Variants in PCDH9 observed in about 807,000 individuals in gnomAD.
PCDH9 encodes protocadherin 9, also known as protocadherin-9.
PCDH9 carries 24 observed loss-of-function variants against 70.6 expected under a neutral mutation model. The observed-to-expected ratio is 0.34, with a 90% CI of 0.25 to 0.48. PCDH9 has a LOEUF of 0.48. Among genes scored for constraint, PCDH9 ranks in the 20% least tolerant of loss-of-function variants. The pLI, the probability that PCDH9 is intolerant of heterozygous loss-of-function variation, is 0.99. For missense variants in PCDH9, 1,281 were observed against 1,503.6 expected, an observed-to-expected ratio of 0.85 and a Z score of 2.45; for synonymous variants, 562 against 558.5, an observed-to-expected ratio of 1.01 and a Z score of -0.09.
At chr13:66,656,459 C>A (rs1387961060) in intron 3 of PCDH9, among the ~76,000 whole-genome samples, 1 of 151,480 alleles carries the variant, frequency 6.6e-6, no homozygotes, top group Admixed American at 6.6e-5. Flanking sequence ...CAAATTTGTT[C>A]TTTCATAAAG....
At chr13:66,573,616 T>C (rs1170144810) in intron 4 of PCDH9, among the ~76,000 whole-genome samples, 3 of 152,214 alleles carry the variant, frequency 2.0e-5, no homozygotes, top group African/African-American at 7.2e-5. Context: ...GTTGAGATGC[T>C]ACGTTAAGAC....
At chr13:66,480,395 T>C (rs1958815844) in intron 4 of PCDH9, among the ~76,000 whole-genome samples, 1 of 152,180 alleles carries the variant, frequency 6.6e-6, no homozygotes, top group South Asian at 2.1e-4. Context: ...AATAACAAAA[T>C]TCTAGAGTAG....
chr13:66,486,712 A>C (rs1201156349), intron 4 of PCDH9, among the ~76,000 whole-genome samples: 1 of 152,084 alleles, frequency 6.6e-6, no homozygotes, highest in Non-Finnish European at 1.5e-5. Flanking sequence ...ATGATCTCAT[A>C]AATTAAAATT....
At chr13:66,808,958 T>C (rs1161804500) in intron 3 of PCDH9, among the ~76,000 whole-genome samples, 1 of 152,210 alleles carries the variant, frequency 6.6e-6, no homozygotes, top group Non-Finnish European at 1.5e-5. Flanking sequence ...TACATTCTTG[T>C]TTGTTTTGAG....
Position 67,062,645 on chromosome 13 carries a change from C to A in PCDH9, c.3037-159040G>T, listed in dbSNP as rs527751108. 2.0e-5 allele frequency among the ~76,000 whole-genome samples: 3 copies of A among 152,216 alleles called. No homozygotes were observed. The South Asian group carries it at 6.2e-4, about 32-fold the overall frequency. ...GGAATACTGGTCTTAAAGAACTATT[C>A]CTTTGCTCTTGAACTTGCAAAATTG... On this transcript the variant is annotated intron_variant, in intron 2 of 4. Coordinates refer to ENST00000377865, the MANE Select transcript of PCDH9 (RefSeq NM_203487.3).
At chr13:66,307,807 A>G (rs893366340) in intron 4 of PCDH9, among the ~76,000 whole-genome samples, 2 of 152,120 alleles carry the variant, frequency 1.3e-5, no homozygotes, top group African/African-American at 4.8e-5. Flanking sequence ...TTTAAGACAT[A>G]TCACTCGAAG....
intron 3 of PCDH9, among the ~76,000 whole-genome samples, chr13:66,731,398 A>C (rs1234590543): frequency 6.6e-6 from 1 of 152,108 alleles, no homozygotes; most frequent in East Asian, 1.9e-4. Context: ...TAGCCTTTAG[A>C]TTTTGAACTA....
intron 4 of PCDH9, among the ~76,000 whole-genome samples, chr13:66,470,408 A>C (rs945873842): frequency 6.6e-6 from 1 of 152,180 alleles, no homozygotes; most frequent in Admixed American, 6.5e-5. Flanking sequence ...CTTTTGTAAG[A>C]TGCATTAACT....
intron 2 of PCDH9, among the ~76,000 whole-genome samples, chr13:67,130,757 G>A (rs2087093571): frequency 1.3e-5 from 2 of 152,048 alleles, no homozygotes; most frequent in African/African-American, 2.4e-5. Context: ...CAGGCAGCAA[G>A]CCATATTGCC....
chr13:67,135,311 T>C (rs1566446750), intron 2 of PCDH9, among the ~76,000 whole-genome samples: 1 of 152,092 alleles, frequency 6.6e-6, no homozygotes, highest in African/African-American at 2.4e-5. Context: ...CCTGGGGAGA[T>C]GTCATAGTCA....
At chr13:66,849,044 T>G (rs1461616566) in intron 3 of PCDH9, among the ~76,000 whole-genome samples, 1 of 152,050 alleles carries the variant, frequency 6.6e-6, no homozygotes, top group African/African-American at 2.4e-5. Flanking sequence ...AAGTTAACAG[T>G]TCTAATAAAT....
At chr13:66,737,562 T>G (rs1042016045) in intron 3 of PCDH9, among the ~76,000 whole-genome samples, 3 of 152,120 alleles carry the variant, frequency 2.0e-5, no homozygotes, top group Admixed American at 6.5e-5. Context: ...GACGGGTGAT[T>G]TCTGCATTTC....
chr13:66,536,411 ACTT>A (rs939138113), intron 4 of PCDH9, among the ~76,000 whole-genome samples: 4 of 152,114 alleles, frequency 2.6e-5, no homozygotes, highest in African/African-American at 4.8e-5. Context: ...TTAAAAGTAA[ACTT>A]AATTTTTTGC....
intron 4 of PCDH9, among the ~76,000 whole-genome samples, chr13:66,370,379 T>C (rs1365321571): frequency 6.6e-6 from 1 of 152,080 alleles, no homozygotes; most frequent in Non-Finnish European, 1.5e-5. Context: ...TACTTTCCCA[T>C]TGTTTACCCC....
chr13:66,586,084 A>T (rs2076958825), intron 4 of PCDH9, among the ~76,000 whole-genome samples: 1 of 152,176 alleles, frequency 6.6e-6, no homozygotes, highest in African/African-American at 2.4e-5. Context: ...AAGCATTCAC[A>T]ACTGAGAGTG....
At chr13:67,133,587 G>A (rs2087159703) in intron 2 of PCDH9, among the ~76,000 whole-genome samples, 2 of 151,990 alleles carry the variant, frequency 1.3e-5, no homozygotes. Flanking sequence ...CATTAGTTTA[G>A]TGCACTATAG....
intron 3 of PCDH9, among the ~76,000 whole-genome samples, chr13:66,726,923 C>G (rs1022451849): frequency 6.6e-6 from 1 of 152,042 alleles, no homozygotes; most frequent in South Asian, 2.1e-4. Flanking sequence ...ACTTGCTTGC[C>G]TTATTTCTGA....
intron 3 of PCDH9, among the ~76,000 whole-genome samples, chr13:66,833,968 G>T (rs1361677519): frequency 1.3e-5 from 2 of 152,038 alleles, no homozygotes; most frequent in Non-Finnish European, 2.9e-5. Context: ...CATTGAAACT[G>T]CTACCAAAAT....
At chr13:67,127,117 AT>A (rs1300637790) in intron 2 of PCDH9, among the ~76,000 whole-genome samples, 2 of 152,156 alleles carry the variant, frequency 1.3e-5, no homozygotes, top group Non-Finnish European at 2.9e-5. Flanking sequence ...TTATACAAAG[AT>A]TTTCCTTACA....
Sources: gnomAD v4.1 joint callset for allele counts (sites outside exome capture counted in the v4.1 genomes callset) on GRCh38, gnomAD v4.1.1 for gene constraint, MANE v1.5 for transcripts, NCBI Gene and HGNC (gene_info 2026-07-23, HGNC 2026-07-21) for gene names.